The following MCTP1 variants were observed in gnomAD, a reference collection of about 807,000 sequenced individuals.
The protein encoded by MCTP1 is multiple C2 and transmembrane domain-containing protein 1.
Under a neutral mutation model 120.6 loss-of-function variants are expected in MCTP1, and 69 were observed. The ratio of observed to expected loss-of-function variants is 0.57; its 90% CI spans 0.47 to 0.70. MCTP1 has a LOEUF of 0.70. MCTP1 is among the 30% of genes least tolerant of loss of function. MCTP1 has a pLI of 0.00. For synonymous variants in MCTP1, 529 were observed against 493.1 expected, an observed-to-expected ratio of 1.07 and a Z score of -0.96; for missense variants, 1,203 against 1,248.8, an observed-to-expected ratio of 0.96 and a Z score of 0.55.
intron 10 of MCTP1, among the ~76,000 whole-genome samples, chr5:94,903,278 T>C (rs912800314): frequency 1.4e-4 from 21 of 152,166 alleles, no homozygotes; most frequent in African/African-American, 5.1e-4. Context: ...ATGTAGAAAG[T>C]AAAGGAAGCA....
At chr5:95,106,968 C>A (rs1261068110) in intron 1 of MCTP1, among the ~76,000 whole-genome samples, 1 of 152,110 alleles carries the variant, frequency 6.6e-6, no homozygotes, top group Non-Finnish European at 1.5e-5. Context: ...CAATGAGAAT[C>A]AGAATCTTAT....
chr5:94,825,724 C>A (rs971313647), intron 17 of MCTP1, among the ~76,000 whole-genome samples: 1 of 151,768 alleles, frequency 6.6e-6, no homozygotes, highest in South Asian at 2.1e-4. Flanking sequence ...CTGGGTGCTC[C>A]TGTATTGGGT....
At chr5:95,131,356 G>A (rs1759032371) in intron 1 of MCTP1, among the ~76,000 whole-genome samples, 1 of 152,200 alleles carries the variant, frequency 6.6e-6, no homozygotes, top group South Asian at 2.1e-4. Flanking sequence ...GAAGCAAGGA[G>A]ACTGGGCTTG....
chr5:95,159,803 G>T (rs1745521185), intron 1 of MCTP1, among the ~76,000 whole-genome samples: 2 of 152,020 alleles, frequency 1.3e-5, no homozygotes, highest in Admixed American at 6.6e-5. Flanking sequence ...AACACAAAGA[G>T]GGAAGCATCA....
At chr5:95,044,939 C>T (rs959912913) in intron 1 of MCTP1, among the ~76,000 whole-genome samples, 1 of 152,106 alleles carries the variant, frequency 6.6e-6, no homozygotes, top group Non-Finnish European at 1.5e-5. Context: ...CTGAAGTGAT[C>T]GTCAAGCATC....
chr5:95,076,903 G>A (rs1351268560), intron 1 of MCTP1, among the ~76,000 whole-genome samples: 1 of 151,924 alleles, frequency 6.6e-6, no homozygotes, highest in Non-Finnish European at 1.5e-5. Context: ...ACCCTATTTA[G>A]TTGTGCTTGA....
intron 1 of MCTP1, among the ~76,000 whole-genome samples, chr5:95,206,998 T>C (rs1479389225): frequency 2.0e-5 from 3 of 152,234 alleles, no homozygotes; most frequent in East Asian, 1.9e-4. Context: ...GACATACATA[T>C]GTCTTTTTAT....
intron 2 of MCTP1, among the ~76,000 whole-genome samples, chr5:94,969,681 T>A (rs1184555201): frequency 6.6e-6 from 1 of 152,150 alleles, no homozygotes; most frequent in African/African-American, 2.4e-5. Context: ...GCTGGATCTT[T>A]CTGAAGATAA....
At chr5:95,265,755 A>C (rs1464854946) in intron 1 of MCTP1, among the ~76,000 whole-genome samples, 1 of 152,188 alleles carries the variant, frequency 6.6e-6, no homozygotes, top group Admixed American at 6.5e-5. Context: ...TTTTACATAT[A>C]TATGCTACCT....
intron 1 of MCTP1, among the ~76,000 whole-genome samples, chr5:95,080,354 A>G (rs1219164648): frequency 6.6e-6 from 1 of 152,212 alleles, no homozygotes; most frequent in Non-Finnish European, 1.5e-5. Flanking sequence ...GTATTCTCCA[A>G]TTTGGAATAC....
At chr5:94,750,693 A>G (rs1768075051) in intron 19 of MCTP1, among the ~76,000 whole-genome samples, 3 of 152,224 alleles carry the variant, frequency 2.0e-5, no homozygotes, top group Admixed American at 6.5e-5. Flanking sequence ...CTGGATCGAC[A>G]GATAGTATAA....
chr5:95,283,903 C>A lies in MCTP1; in HGVS notation c.673G>T (p.Ala225Ser). The change falls in exon 1 of 23, where the codon GCG becomes TCG. Residue 225 changes from alanine (A) to serine (S), a missense_variant. Ala to Ser is a moderately conservative substitution (Grantham distance 99). Transcript: ENST00000515393. ...CCCGTCTCCGGGGCCCGAGACTCCGCGGGACTCCGCGCCGGCTCTGCGGGA... is the reference window on the plus strand; with the variant it reads ...CCCGTCTCCGGGGCCCGAGACTCCGAGGGACTCCGCGCCGGCTCTGCGGGA... Reference protein sequence around the residue: ...PPPAEPARSPAESRAPETGEE... With the variant: ...PPPAEPARSPSESRAPETGEE... The A allele has an allele frequency of 1.4e-6, 2 of 1,391,828 alleles. No homozygotes were observed. Among genetic ancestry groups the A allele is most frequent in the South Asian group, 3.3e-5 (2 of 61,518 alleles). The allele number at this position is 1,391,828 out of a possible 1,614,324, so 86.2% of individuals were successfully genotyped here.
intron 8 of MCTP1, 100 bp from the exon 9 acceptor site, chr5:94,913,076 A>G (rs1247965138): frequency 1.5e-6 from 1 of 650,838 alleles, no homozygotes; most frequent in Non-Finnish European, 2.5e-6. Flanking sequence ...CAAAAAATAA[A>G]GGATCGGCAA....
At chr5:95,041,343 A>C (rs1456434889) in intron 1 of MCTP1, among the ~76,000 whole-genome samples, 1 of 151,020 alleles carries the variant, frequency 6.6e-6, no homozygotes, top group East Asian at 1.9e-4. Context: ...AAAAAACAAA[A>C]AGAAAGTAAA....
At chr5:95,272,611 T>C (rs1759496709) in intron 1 of MCTP1, among the ~76,000 whole-genome samples, 1 of 152,188 alleles carries the variant, frequency 6.6e-6, no homozygotes, top group African/African-American at 2.4e-5. Context: ...AGATAAATAA[T>C]AGGTATAAAT....
intron 1 of MCTP1, among the ~76,000 whole-genome samples, chr5:95,218,321 A>G (rs145853971): frequency 5.8e-4 from 89 of 152,314 alleles, no homozygotes; most frequent in African/African-American, 1.8e-3. Context: ...CTACATACCC[A>G]GTTTCAGGCC....
chr5:95,036,440 C>T (rs1841309616), intron 1 of MCTP1, among the ~76,000 whole-genome samples: 1 of 152,178 alleles, frequency 6.6e-6, no homozygotes, highest in Admixed American at 6.5e-5. Flanking sequence ...CACAGATCCT[C>T]AACAGCTCTT....
intron 17 of MCTP1, among the ~76,000 whole-genome samples, chr5:94,827,848 T>C (rs1787550801): frequency 6.6e-6 from 1 of 151,972 alleles, no homozygotes. Flanking sequence ...AACTGGTTTT[T>C]CTAGTTAGCA....
chr5:94,990,340 C>T (rs78709610), intron 2 of MCTP1, among the ~76,000 whole-genome samples: 2 of 152,248 alleles, frequency 1.3e-5, no homozygotes, highest in East Asian at 3.8e-4. Context: ...CATTTAGCTG[C>T]AATCAAGCCA....
Sources: gnomAD v4.1 joint callset for allele counts (sites outside exome capture counted in the v4.1 genomes callset) on GRCh38, gnomAD v4.1.1 for gene constraint, MANE v1.5 for transcripts, NCBI Gene and HGNC (gene_info 2026-07-23, HGNC 2026-07-21) for gene names.